The following SCNN1G variants were observed in gnomAD, a reference collection of about 807,000 sequenced individuals.
The protein encoded by SCNN1G is sodium channel epithelial 1 subunit gamma.
Under a neutral mutation model 64.6 loss-of-function variants are expected in SCNN1G, and 27 were observed. That is an observed-to-expected ratio of 0.42 (90% CI 0.31 to 0.58). SCNN1G has a LOEUF of 0.58. Among genes scored for constraint, SCNN1G ranks in the 20% least tolerant of loss-of-function variants. The pLI, the probability that SCNN1G is intolerant of heterozygous loss-of-function variation, is 0.18. For synonymous variants in SCNN1G, 330 were observed against 314.2 expected, an observed-to-expected ratio of 1.05 and a Z score of -0.53; for missense variants, 743 against 823.4, an observed-to-expected ratio of 0.90 and a Z score of 1.19.
In SCNN1G at chr16:23,212,881, C is replaced by A; in HGVS notation, c.1418C>A (p.Ser473Tyr). 6.2e-7 allele frequency: 1 copy of A among 1,614,098 alleles called. No individual in the cohort carries two copies. Among genetic ancestry groups the A allele is most frequent in the Non-Finnish European group, 8.5e-7 (1 of 1,180,030 alleles). Residue 473 changes from serine to tyrosine, a missense_variant, in exon 10 of 13, where the codon TCT becomes TAT. Ser to Tyr is a moderately radical substitution (Grantham distance 144). Transcript: ENST00000300061. ...ACCACAAGCCTGGCACAATGGCCAT[C>A]TGTGGTTTCGGAGGTAAGTTCTTCT... Reference protein sequence around the residue: ...TLTTSLAQWPSVVSEKWLLPV... With the variant: ...TLTTSLAQWPYVVSEKWLLPV...
intron 6 of SCNN1G, among the ~76,000 whole-genome samples, chr16:23,206,314 C>G (rs1020888630): frequency 3.3e-5 from 5 of 152,164 alleles, no homozygotes; most frequent in Non-Finnish European, 7.4e-5. Flanking sequence ...GTTGGAAGGT[C>G]TCAAGGTTGC....
intron 4 of SCNN1G, 134 bp from the exon 5 acceptor site, chr16:23,194,037 C>A: frequency 2.8e-6 from 2 of 718,194 alleles, no homozygotes; most frequent in Non-Finnish European, 5.2e-6. Context: ...TGATCAGGAG[C>A]AAGATGGGGA....
chr16:23,184,031 G>A (rs979002066), intron 1 of SCNN1G, among the ~76,000 whole-genome samples: 26 of 152,236 alleles, frequency 1.7e-4, no homozygotes, highest in African/African-American at 6.3e-4. Context: ...AGAAGAGTAA[G>A]TGCTGGGTAT....
At position 23,186,336 on chromosome 16, in the gene SCNN1G, CG is replaced by C. The variant is rs764926334; in HGVS notation, c.66del (p.Pro23ArgfsTer6). 1 of 1,614,232 alleles carries C rather than the reference CG, an allele frequency of 6.2e-7. No individual in the cohort carries two copies. The highest frequency in any genetic ancestry group is 8.5e-7 in the Non-Finnish European group (1 of 1,180,036). On this transcript the variant is annotated frameshift_variant, in exon 2 of 13. Coordinates refer to ENST00000300061, the MANE Select transcript of SCNN1G (RefSeq NM_001039.4). LOFTEE classifies it high-confidence loss of function. ...KKNLPVTGPQ[A>X]PTIKELMRWY... Reference sequence around the variant, plus strand: ...AATCTGCCCGTGACGGGCCCTCAGGCGCCGACCATTAAAGAGCTGATGCGGT... The same window carrying C: ...AATCTGCCCGTGACGGGCCCTCAGGCCCGACCATTAAAGAGCTGATGCGGT...
At chr16:23,200,244 C>A (rs1246347984) in intron 6 of SCNN1G, among the ~76,000 whole-genome samples, 1 of 152,080 alleles carries the variant, frequency 6.6e-6, no homozygotes, top group Non-Finnish European at 1.5e-5. Context: ...TAAGAGGCAG[C>A]ACCCTTGGGA....
chr16:23,198,818 G>A (rs1468306391), intron 6 of SCNN1G, among the ~76,000 whole-genome samples: 3 of 151,984 alleles, frequency 2.0e-5, no homozygotes, highest in African/African-American at 7.2e-5. Context: ...CACTCAGGAG[G>A]CTGAAGTGGG....
rs545421474 is a variant in SCNN1G at position 23,185,710 on chromosome 16, T to C, written c.-44-518T>C. Among the ~76,000 whole-genome samples the C allele has an allele frequency of 4.9e-4, 74 of 152,342 alleles. 2 individuals are homozygous for C. In the South Asian group the frequency reaches 0.015, roughly 31 times the overall value. On this transcript the variant is annotated intron_variant, in intron 1 of 12. Coordinates refer to ENST00000300061, the MANE Select transcript of SCNN1G (RefSeq NM_001039.4). The stretch of plus-strand genomic sequence containing the variant: ...AGCCAGGAACATGATCTAAGGTGGC[T>C]GCCGGGAAATTTTCTTGGCAGATTT...
At position 23,192,343 on chromosome 16, in the gene SCNN1G, T is replaced by C; in HGVS notation, c.619-9T>C. The stretch of plus-strand genomic sequence containing the variant: ...ATGGCTTCAGCCTCGCATCTCCTCT[T>C]ATTCACAGTGCTCAAATGACACCTC... On this transcript the variant is annotated splice_polypyrimidine_tract_variant and intron_variant, in intron 3 of 12. Transcript: ENST00000300061. 1 of 1,613,052 alleles carries C rather than the reference T, an allele frequency of 6.2e-7. No homozygotes were observed. Among genetic ancestry groups the C allele is most frequent in the Admixed American group, 1.7e-5 (1 of 60,014 alleles).
intron 6 of SCNN1G, among the ~76,000 whole-genome samples, chr16:23,207,306 G>C (rs554638805): frequency 7.9e-4 from 120 of 152,306 alleles, no homozygotes; most frequent in Non-Finnish European, 1.0e-3. Context: ...CAGGAAGCTA[G>C]AGCCTGTAGC....
chr16:23,201,829 A>G (rs1360696909), intron 6 of SCNN1G, among the ~76,000 whole-genome samples: 1 of 152,152 alleles, frequency 6.6e-6, no homozygotes, highest in Non-Finnish European at 1.5e-5. Context: ...TGCTTTTTTA[A>G]AGACAAGGTC....
At chr16:23,193,676 A>AC (rs1439799549) in intron 4 of SCNN1G, among the ~76,000 whole-genome samples, 16 of 152,046 alleles carry the variant, frequency 1.1e-4, no homozygotes, top group East Asian at 1.9e-4. Flanking sequence ...ACAATACAAT[A>AC]AAATAAAACA....
chr16:23,202,940 T>C (rs939746004), intron 6 of SCNN1G, among the ~76,000 whole-genome samples: 9 of 152,184 alleles, frequency 5.9e-5, no homozygotes, highest in Non-Finnish European at 2.9e-5. Flanking sequence ...TTAGATGCTA[T>C]GGACCTGGAG....
At chr16:23,202,654 T>A (rs1422714606) in intron 6 of SCNN1G, among the ~76,000 whole-genome samples, 1 of 152,212 alleles carries the variant, frequency 6.6e-6, no homozygotes, top group Non-Finnish European at 1.5e-5. Flanking sequence ...GGACCTCAGC[T>A]GAGGCAATGG....
intron 4 of SCNN1G, among the ~76,000 whole-genome samples, chr16:23,193,483 A>G (rs1419976739): frequency 2.0e-5 from 3 of 151,866 alleles, no homozygotes; most frequent in Non-Finnish European, 4.4e-5. Flanking sequence ...TCCTTTCTAC[A>G]AAAAAAATTC....
intron 8 of SCNN1G, 124 bp downstream of exon 8, chr16:23,212,275 C>T (rs1056372710): frequency 5.4e-6 from 4 of 741,696 alleles, no homozygotes; most frequent in Non-Finnish European, 9.8e-6. Flanking sequence ...GGTTGAGAGC[C>T]ATTAACTAGA....
chr16:23,215,573 T>C lies in SCNN1G; in HGVS notation c.*104T>C. The C allele has an allele frequency of 7.0e-7, 1 of 1,419,488 alleles. No homozygotes were observed. Among genetic ancestry groups the C allele is most frequent in the Non-Finnish European group, 9.8e-7 (1 of 1,020,768 alleles). 87.9% of individuals were successfully genotyped at this position (1,419,488 alleles called of 1,614,324 possible). On this transcript the variant is annotated 3_prime_UTR_variant, in exon 13 of 13. Transcript: ENST00000300061. ...GCACAGGGGACCCTCTGCCCCACTC[T>C]GGGCTTTTCAGATACTCTGACCAAA...
Position 23,215,124 on chromosome 16 carries a change from G to A in SCNN1G, c.1605G>A (p.Leu535=). ...EMLLSNFGGQ[L]GLWMSCSVVC... ...TTCTGTCCAACTTCGGTGGCCAGCT[G>A]GGCCTGTGGATGAGCTGCTCTGTTG... The change falls in exon 13 of 13, where the codon CTG becomes CTA. Residue 535 remains leucine, a synonymous_variant. Coordinates refer to ENST00000300061, the MANE Select transcript of SCNN1G (RefSeq NM_001039.4). The A allele has an allele frequency of 1.2e-6, 2 of 1,614,076 alleles. No homozygotes were observed. Among genetic ancestry groups the A allele is most frequent in the Non-Finnish European group, 1.7e-6 (2 of 1,179,994 alleles).
chr16:23,198,207 C>T (rs1959828391), intron 6 of SCNN1G, among the ~76,000 whole-genome samples: 2 of 152,156 alleles, frequency 1.3e-5, no homozygotes, highest in Non-Finnish European at 2.9e-5. Context: ...TTGTGGACCT[C>T]ATTGGGCACT....
chr16:23,198,891 C>T (rs530384626), intron 6 of SCNN1G, among the ~76,000 whole-genome samples: 87 of 151,858 alleles, frequency 5.7e-4, no homozygotes, highest in South Asian at 1.0e-3. Flanking sequence ...CCCATCTCTA[C>T]AAAAAATATA....
Sources: gnomAD v4.1 joint callset for allele counts (sites outside exome capture counted in the v4.1 genomes callset) on GRCh38, gnomAD v4.1.1 for gene constraint, MANE v1.5 for transcripts, NCBI Gene and HGNC (gene_info 2026-07-23, HGNC 2026-07-21) for gene names.